Variants in ZFHX3 observed in about 807,000 individuals in gnomAD.
The protein encoded by ZFHX3 is zinc finger homeobox protein 3.
A neutral mutation model predicts 279.1 loss-of-function variants in ZFHX3; 42 were observed. The ratio of observed to expected loss-of-function variants is 0.15; its 90% CI spans 0.12 to 0.19. The LOEUF is 0.19. Among genes scored for constraint, ZFHX3 ranks in the 10% least tolerant of loss-of-function variants. The probability of loss-of-function intolerance (pLI) is 1.00; values close to 1 mark genes in which losing one functional copy is unlikely to be tolerated. For missense variants in ZFHX3, 4,981 were observed against 4,754.0 expected, an observed-to-expected ratio of 1.05 and a Z score of -1.40; for synonymous variants, 2,293 against 1,957.8, an observed-to-expected ratio of 1.17 and a Z score of -4.52.
chr16:73,738,598 G>T lies in ZFHX3; in HGVS notation c.-1607-58358C>A, dbSNP rs560078521. Among the ~76,000 whole-genome samples, 33 of 152,316 alleles carry T rather than the reference G, an allele frequency of 2.2e-4. 1 individual carries two copies. In the South Asian group the frequency reaches 6.4e-3, roughly 30 times the overall value. On this transcript the variant is annotated intron_variant, in intron 1 of 17. Coordinates refer to the ZFHX3 transcript ENST00000641206. Reference sequence around the variant, plus strand: ...TTGGGTCTGCCCTTTCTTTCTCAAAGACTAGGATATTCTTTTATGCTAGAG... The same window carrying T: ...TTGGGTCTGCCCTTTCTTTCTCAAATACTAGGATATTCTTTTATGCTAGAG...
chr16:73,650,854 A>C (rs951591729), intron 2 of ZFHX3, among the ~76,000 whole-genome samples: 7 of 152,202 alleles, frequency 4.6e-5, no homozygotes, highest in African/African-American at 1.7e-4. Context: ...GACATTAAAT[A>C]GCTCAGAATA....
chr16:72,949,369 G>C (rs995103614), intron 3 of ZFHX3, among the ~76,000 whole-genome samples: 1 of 152,176 alleles, frequency 6.6e-6, no homozygotes, highest in East Asian at 1.9e-4. Flanking sequence ...GAGCGAGGGA[G>C]TGGAAGGTGT....
At chr16:73,662,392 C>G (rs2052794698) in intron 2 of ZFHX3, among the ~76,000 whole-genome samples, 1 of 152,106 alleles carries the variant, frequency 6.6e-6, no homozygotes, top group Admixed American at 6.5e-5. Context: ...CCTTATTTCT[C>G]ATTAGATGGA....
At chr16:72,804,897 C>G (rs2036214822) in intron 7 of ZFHX3, among the ~76,000 whole-genome samples, 1 of 152,174 alleles carries the variant, frequency 6.6e-6, no homozygotes, top group Non-Finnish European at 1.5e-5. Context: ...CTTGAAGCTA[C>G]CTGCAGACAG....
chr16:73,246,773 G>A (rs562462253), intron 5 of ZFHX3, among the ~76,000 whole-genome samples: 11 of 152,182 alleles, frequency 7.2e-5, no homozygotes, highest in African/African-American at 1.7e-4. Flanking sequence ...AACTGACTTC[G>A]GTTCCTATAT....
chr16:73,809,009 C>T (rs886905562), intron 1 of ZFHX3, among the ~76,000 whole-genome samples: 3 of 152,126 alleles, frequency 2.0e-5, no homozygotes, highest in East Asian at 1.9e-4. Flanking sequence ...ATCTGTGTTG[C>T]TTGGCTTGGG....
chr16:73,846,519 C>T (rs1961452494), intron 1 of ZFHX3, among the ~76,000 whole-genome samples: 1 of 152,202 alleles, frequency 6.6e-6, no homozygotes, highest in African/African-American at 2.4e-5. Context: ...TGTCTCTCTT[C>T]AAGCTGAAAT....
intron 4 of ZFHX3, among the ~76,000 whole-genome samples, chr16:72,886,533 C>T (rs2038625649): frequency 6.6e-6 from 1 of 152,090 alleles, no homozygotes; most frequent in Non-Finnish European, 1.5e-5. Flanking sequence ...CAGCTGTACA[C>T]TGTTTAGTGT....
chr16:73,194,550 G>C (rs1457032120), intron 5 of ZFHX3, among the ~76,000 whole-genome samples: 1 of 152,012 alleles, frequency 6.6e-6, no homozygotes, highest in Non-Finnish European at 1.5e-5. Context: ...GTACAGTTTT[G>C]GATATAGTAA....
intron 4 of ZFHX3, among the ~76,000 whole-genome samples, chr16:72,865,052 C>A (rs1348923323): frequency 6.6e-6 from 1 of 152,202 alleles, no homozygotes; most frequent in Non-Finnish European, 1.5e-5. Flanking sequence ...TGCATTCCTG[C>A]CTACTGTCAG....
chr16:73,047,534 G>A (rs547163306), intron 1 of ZFHX3, among the ~76,000 whole-genome samples: 3 of 152,306 alleles, frequency 2.0e-5, no homozygotes, highest in Non-Finnish European at 2.9e-5. Flanking sequence ...AGGACAGAGG[G>A]AAGGGAAGGA....
intron 5 of ZFHX3, among the ~76,000 whole-genome samples, chr16:73,192,805 A>G (rs1646603033): frequency 6.6e-6 from 1 of 152,128 alleles, no homozygotes; most frequent in Non-Finnish European, 1.5e-5. Context: ...TCATCGCACA[A>G]ATGGGGTCAT....
At chr16:73,402,201 CT>C (rs2017270262) in intron 3 of ZFHX3, 1 of 152,140 alleles carries the variant, frequency 6.6e-6, no homozygotes, top group Non-Finnish European at 1.5e-5. Context: ...CCTACCTTTT[CT>C]TGATCACACC....
At chr16:73,858,835 C>T (rs1214088124) in intron 1 of ZFHX3, among the ~76,000 whole-genome samples, 1 of 152,168 alleles carries the variant, frequency 6.6e-6, no homozygotes, top group African/African-American at 2.4e-5. Flanking sequence ...GCTTTCAGTA[C>T]ATTATGAGAC....
intron 1 of ZFHX3, among the ~76,000 whole-genome samples, chr16:73,725,308 G>A (rs1002626850): frequency 2.0e-5 from 3 of 152,162 alleles, no homozygotes; most frequent in African/African-American, 7.2e-5. Flanking sequence ...CCAAGTCCTG[G>A]CCACAAAAGG....
At chr16:73,045,816 T>TGGGGG (rs1965278400) in intron 1 of ZFHX3, among the ~76,000 whole-genome samples, 2 of 136,876 alleles carry the variant, frequency 1.5e-5, no homozygotes, top group African/African-American at 2.9e-5. Flanking sequence ...GGGGGGGGGT[T>TGGGGG]GTTGAGAGAG....
At chr16:73,858,801 TTC>T (rs1240024743) in intron 1 of ZFHX3, among the ~76,000 whole-genome samples, 1 of 152,160 alleles carries the variant, frequency 6.6e-6, no homozygotes. Flanking sequence ...GATGATGGGA[TTC>T]TTAGCACCAA....
intron 2 of ZFHX3, among the ~76,000 whole-genome samples, chr16:73,659,411 C>A (rs542102170): frequency 1.3e-5 from 2 of 152,086 alleles, no homozygotes; most frequent in African/African-American, 4.8e-5. Flanking sequence ...GTGTCAGGTT[C>A]GATTAGAAGC....
intron 2 of ZFHX3, among the ~76,000 whole-genome samples, chr16:73,462,350 AT>A: frequency 6.6e-6 from 1 of 152,236 alleles, no homozygotes; most frequent in Middle Eastern, 3.4e-3. Context: ...ACAATTATGT[AT>A]TTTGCAAATA....
Sources: gnomAD v4.1 joint callset for allele counts (sites outside exome capture counted in the v4.1 genomes callset) on GRCh38, gnomAD v4.1.1 for gene constraint, MANE v1.5 for transcripts, NCBI Gene and HGNC (gene_info 2026-07-23, HGNC 2026-07-21) for gene names.